The following SORCS1 variants were observed in gnomAD, a reference collection of about 807,000 sequenced individuals.
SORCS1 encodes VPS10 domain-containing receptor SorCS1.
A neutral mutation model predicts 146.1 loss-of-function variants in SORCS1; 60 were observed. The observed-to-expected ratio is 0.41, with a 90% CI of 0.33 to 0.51. The LOEUF (loss-of-function observed/expected upper bound fraction) is 0.51. Among genes scored for constraint, SORCS1 ranks in the 20% least tolerant of loss-of-function variants. The probability of loss-of-function intolerance (pLI) is 0.21; values close to 1 mark genes in which losing one functional copy is unlikely to be tolerated. For synonymous variants in SORCS1, 637 were observed against 584.0 expected (o/e 1.09, Z -1.31); for missense variants, 1,352 against 1,487.6 (o/e 0.91, Z 1.50).
At chr10:107,034,196 C>A (rs11193177) in intron 1 of SORCS1, among the ~76,000 whole-genome samples, 54,287 of 151,776 alleles carry the variant, frequency 0.36, 9,737 homozygotes, top group Admixed American at 0.41. Context: ...TAAAGAAGAT[C>A]TCATAAACAC....
chr10:106,996,664 A>G (rs550592673), intron 1 of SORCS1, among the ~76,000 whole-genome samples: 1 of 152,298 alleles, frequency 6.6e-6, no homozygotes, highest in East Asian at 1.9e-4. Context: ...CAATTTTCCC[A>G]TTTGCAAATG....
At chr10:106,916,749 A>G (rs1952453901) in intron 2 of SORCS1, among the ~76,000 whole-genome samples, 1 of 151,330 alleles carries the variant, frequency 6.6e-6, no homozygotes. Flanking sequence ...TTACTTTCCA[A>G]TTTTTCTTTT....
chr10:106,637,037 C>G (rs1037514397), intron 18 of SORCS1, among the ~76,000 whole-genome samples: 4 of 152,198 alleles, frequency 2.6e-5, no homozygotes, highest in Non-Finnish European at 5.9e-5. Flanking sequence ...TAAAATACCC[C>G]AGAAGCTACA....
At chr10:107,101,781 T>G (rs1223586168) in intron 1 of SORCS1, among the ~76,000 whole-genome samples, 1 of 139,636 alleles carries the variant, frequency 7.2e-6, no homozygotes, top group African/African-American at 2.6e-5. Flanking sequence ...GTGTGTGTGT[T>G]TCTGTTTGGG....
At chr10:106,742,525 G>A (rs1024238021) in intron 5 of SORCS1, among the ~76,000 whole-genome samples, 1 of 152,050 alleles carries the variant, frequency 6.6e-6, no homozygotes, top group African/African-American at 2.4e-5. Flanking sequence ...GACTATAGGC[G>A]CATGCCACCA....
chr10:106,705,250 T>C (rs1188696036), intron 8 of SORCS1, among the ~76,000 whole-genome samples: 1 of 152,222 alleles, frequency 6.6e-6, no homozygotes, highest in East Asian at 1.9e-4. Context: ...TATAGTTCTT[T>C]CAAGTTAATA....
At chr10:106,700,964 CT>C (rs1393476291) in intron 8 of SORCS1, among the ~76,000 whole-genome samples, 1 of 152,182 alleles carries the variant, frequency 6.6e-6, no homozygotes, top group Non-Finnish European at 1.5e-5. Context: ...AATTATTGCT[CT>C]CTCTAGGTAT....
chr10:106,699,154 G>T, intron 9 of SORCS1, 60 bp downstream of exon 9: 1 of 1,456,352 alleles, frequency 6.9e-7, no homozygotes, highest in Non-Finnish European at 9.2e-7. Context: ...TCCATGCGGG[G>T]CTTCCATCAG....
At chr10:106,877,458 G>C (rs559044549) in intron 2 of SORCS1, among the ~76,000 whole-genome samples, 48 of 152,212 alleles carry the variant, frequency 3.2e-4, no homozygotes, top group African/African-American at 1.1e-3. Context: ...TGCAATGCCT[G>C]TAGTTCCAGT....
At chr10:107,004,100 C>T (rs764836873) in intron 1 of SORCS1, among the ~76,000 whole-genome samples, 30 of 142,204 alleles carry the variant, frequency 2.1e-4, no homozygotes, top group Non-Finnish European at 3.9e-4. Context: ...GGCGTGAACC[C>T]GGGAGGCGGA....
At chr10:107,045,655 C>T (rs1240373819) in intron 1 of SORCS1, among the ~76,000 whole-genome samples, 1 of 151,216 alleles carries the variant, frequency 6.6e-6, no homozygotes, top group Non-Finnish European at 1.5e-5. Context: ...AGGGGCCATG[C>T]CAATATTTTA....
chr10:106,828,888 C>T (rs920562788), intron 3 of SORCS1, among the ~76,000 whole-genome samples: 5 of 152,136 alleles, frequency 3.3e-5, no homozygotes, highest in Admixed American at 6.5e-5. Flanking sequence ...CTAACCAAGA[C>T]GCCTTAACTC....
At chr10:107,000,124 C>T (rs948551793) in intron 1 of SORCS1, among the ~76,000 whole-genome samples, 1 of 152,122 alleles carries the variant, frequency 6.6e-6, no homozygotes, top group Non-Finnish European at 1.5e-5. Context: ...CAATTAAGTC[C>T]GCAGAATTAA....
chr10:106,966,947 T>G (rs1049300058), intron 1 of SORCS1, among the ~76,000 whole-genome samples: 1 of 152,162 alleles, frequency 6.6e-6, no homozygotes, highest in Admixed American at 6.5e-5. Flanking sequence ...TAAACCAAAC[T>G]ATCAGACTCT....
chr10:107,138,088 T>C (rs1269272979), intron 1 of SORCS1, among the ~76,000 whole-genome samples: 2 of 152,206 alleles, frequency 1.3e-5, no homozygotes, highest in Non-Finnish European at 2.9e-5. Context: ...TAATTTCTCT[T>C]ATATTTTCAT....
chr10:106,902,959 T>A (rs546701382), intron 2 of SORCS1, among the ~76,000 whole-genome samples: 1 of 152,262 alleles, frequency 6.6e-6, no homozygotes, highest in South Asian at 2.1e-4. Context: ...GTGCCTGTAA[T>A]CCCAGCTACT....
At chr10:106,608,351 C>T (rs1293012309) in intron 22 of SORCS1, among the ~76,000 whole-genome samples, 1 of 152,230 alleles carries the variant, frequency 6.6e-6, no homozygotes, top group Non-Finnish European at 1.5e-5. Flanking sequence ...TGTCTTTTCT[C>T]TGCCTTTGCT....
chr10:106,915,358 A>G (rs1952367158), intron 2 of SORCS1, among the ~76,000 whole-genome samples: 1 of 152,154 alleles, frequency 6.6e-6, no homozygotes, highest in African/African-American at 2.4e-5. Flanking sequence ...TTCTACCAAT[A>G]AAACCTTAGC....
chr10:106,725,048 G>C (rs1473418890), intron 6 of SORCS1, among the ~76,000 whole-genome samples: 1 of 152,164 alleles, frequency 6.6e-6, no homozygotes, highest in Non-Finnish European at 1.5e-5. Flanking sequence ...GCTGAGGCAG[G>C]AGAATCCCTT....
Sources: allele counts gnomAD v4.1 joint callset (sites outside exome capture counted in the v4.1 genomes callset), GRCh38; gene constraint gnomAD v4.1.1; transcripts MANE v1.5; gene names NCBI Gene and HGNC (gene_info 2026-07-23, HGNC 2026-07-21).